Variants in CNBD1 observed in about 807,000 individuals in gnomAD.
The protein encoded by CNBD1 is cyclic nucleotide binding domain containing 1.
Under a neutral mutation model 54.4 loss-of-function variants are expected in CNBD1, and 71 were observed. That is an observed-to-expected ratio of 1.30 (90% CI 1.08 to 1.59). The LOEUF is 1.59. Among genes scored for constraint, CNBD1 ranks in the 40% most tolerant of loss-of-function variants. CNBD1 has a pLI of 0.00. For missense variants in CNBD1, 659 were observed against 518.0 expected (o/e 1.27, Z -2.64); for synonymous variants, 182 against 170.7 (o/e 1.07, Z -0.51).
At chr8:87,009,599 GC>G (rs1809173406) in intron 4 of CNBD1, among the ~76,000 whole-genome samples, 1 of 151,894 alleles carries the variant, frequency 6.6e-6, no homozygotes, top group African/African-American at 2.4e-5. Flanking sequence ...ACCACACCTG[GC>G]CCCCCAAAAC....
chr8:87,239,775 C>T (rs770018307), intron 6 of CNBD1, among the ~76,000 whole-genome samples: 17 of 151,694 alleles, frequency 1.1e-4, no homozygotes, highest in Non-Finnish European at 2.4e-4. Context: ...ACACCCTGGA[C>T]GAAAAATAAG....
intron 8 of CNBD1, among the ~76,000 whole-genome samples, chr8:87,335,975 G>C (rs1809938124): frequency 6.6e-6 from 1 of 151,956 alleles, no homozygotes; most frequent in African/African-American, 2.4e-5. Flanking sequence ...GCTTAGTTTG[G>C]CTGGATATGG....
At chr8:87,266,421 TAAAAAA>T (rs541109611) in intron 6 of CNBD1, among the ~76,000 whole-genome samples, 1 of 72,842 alleles carries the variant, frequency 1.4e-5, no homozygotes, top group Non-Finnish European at 2.4e-5. Context: ...GAGGTCCAAG[TAAAAAA>T]AAAAAAAAAT....
intron 2 of CNBD1, among the ~76,000 whole-genome samples, chr8:87,422,618 G>T (rs913963606): frequency 6.6e-6 from 1 of 152,094 alleles, no homozygotes; most frequent in African/African-American, 2.4e-5. Context: ...GCTCTGTTTT[G>T]TTCCATTGAT....
chr8:86,934,674 G>T (rs556752064), intron 3 of CNBD1, among the ~76,000 whole-genome samples: 2 of 152,176 alleles, frequency 1.3e-5, no homozygotes, highest in South Asian at 2.1e-4. Flanking sequence ...CTAACAGTTT[G>T]TATTACAAAT....
intron 4 of CNBD1, among the ~76,000 whole-genome samples, chr8:87,018,460 T>TA (rs1265133310): frequency 6.6e-6 from 1 of 152,212 alleles, no homozygotes; most frequent in African/African-American, 2.4e-5. Flanking sequence ...TAACTTTTTT[T>TA]AAGTACAAAT....
chr8:87,408,999 A>G (rs1235091600), intron 2 of CNBD1, among the ~76,000 whole-genome samples: 1 of 152,096 alleles, frequency 6.6e-6, no homozygotes, highest in Non-Finnish European at 1.5e-5. Flanking sequence ...GCCAATTAAT[A>G]ACCATACAGT....
chr8:87,315,999 A>G (rs1172988182), intron 8 of CNBD1, among the ~76,000 whole-genome samples: 5 of 152,044 alleles, frequency 3.3e-5, no homozygotes, highest in Non-Finnish European at 7.4e-5. Flanking sequence ...GTGTATTAAT[A>G]AAAAATTTAA....
chr8:87,316,442 A>G (rs1369560168), intron 8 of CNBD1, among the ~76,000 whole-genome samples: 3 of 152,022 alleles, frequency 2.0e-5, no homozygotes, highest in Non-Finnish European at 4.4e-5. Context: ...CAAGAATCTT[A>G]TGTAATTTAG....
chr8:87,036,305 T>A (rs1040895770), intron 4 of CNBD1, among the ~76,000 whole-genome samples: 4 of 152,148 alleles, frequency 2.6e-5, no homozygotes, highest in Non-Finnish European at 5.9e-5. Context: ...AGAGTAAAGA[T>A]TGGTCACGGC....
chr8:87,284,694 C>T lies in CNBD1; in HGVS notation c.788C>T (p.Thr263Ile), dbSNP rs763585733. 52 of 1,604,880 alleles carry T rather than the reference C, an allele frequency of 3.2e-5. No homozygotes were observed. Among genetic ancestry groups the T allele is most frequent in the Admixed American group, 1.2e-4 (7 of 58,644 alleles). Residue 263 changes from threonine (T) to isoleucine (I), a missense_variant, in exon 7 of 11, where the codon ACC becomes ATC. Thr to Ile is a moderately conservative substitution (Grantham distance 89). Coordinates refer to ENST00000518476, the MANE Select transcript of CNBD1 (RefSeq NM_173538.3). ...SYDSMLSKWS[T>I]FGTLEVMPQN... ...TTTTTACAGCTTAGCAAATGGAGTA[C>T]CTTTGGGACTCTGGAAGTTATGCCT...
intron 2 of CNBD1, among the ~76,000 whole-genome samples, chr8:87,424,055 T>G (rs552876974): frequency 6.6e-6 from 1 of 152,348 alleles, no homozygotes; most frequent in African/African-American, 2.4e-5. Context: ...TTTTCTAGTT[T>G]ATTTGTGTAG....
chr8:87,139,490 T>A (rs1293844859), intron 4 of CNBD1, among the ~76,000 whole-genome samples: 5 of 152,176 alleles, frequency 3.3e-5, no homozygotes, highest in Non-Finnish European at 7.3e-5. Flanking sequence ...CATATTTCCC[T>A]GTGCCATGTG....
Position 87,371,121 on chromosome 8 carries a change from G to T in CNBD1, c.1304-11499G>T, listed in dbSNP as rs561905913. Among the ~76,000 whole-genome samples, 544 of 151,752 alleles carry T rather than the reference G, an allele frequency of 3.6e-3. 6 individuals carry two copies. The highest frequency in any genetic ancestry group is 5.5e-3 in the Non-Finnish European group (372 of 67,988). On this transcript the variant is annotated intron_variant, in intron 10 of 10. Coordinates refer to ENST00000518476, the MANE Select transcript of CNBD1 (RefSeq NM_173538.3). ...TTGGTACCAGTACCATGCTGTTTTGGTTACTGTAGCCTTGTAGTATAGTTT... is the reference window on the plus strand; with the variant it reads ...TTGGTACCAGTACCATGCTGTTTTGTTTACTGTAGCCTTGTAGTATAGTTT...
Position 87,391,231 on chromosome 8 carries a change from TAAAGTA to T in CNBD1, c.214-37314_214-37309del, listed in dbSNP as rs577086436. 4.2e-3 allele frequency among the ~76,000 whole-genome samples: 635 copies of T among 151,700 alleles called. 6 individuals carry two copies. Among genetic ancestry groups the T allele is most frequent in the African/African-American group, 0.014 (567 of 41,196 alleles). On this transcript the variant is annotated intron_variant, in intron 2 of 7. Coordinates refer to the CNBD1 transcript ENST00000521593. The stretch of plus-strand genomic sequence containing the variant: ...CGTTGTGCACATGTACCCTAAAACT[TAAAGTA>T]TAATAAAAAAAAGAAATTTCAAATA...
chr8:87,205,721 G>T (rs1316917719), intron 4 of CNBD1, among the ~76,000 whole-genome samples: 1 of 150,728 alleles, frequency 6.6e-6, no homozygotes, highest in East Asian at 1.9e-4. Context: ...TATTTAAAAA[G>T]AAGTTTTCTA....
chr8:86,964,118 C>G (rs1266610683), intron 4 of CNBD1, among the ~76,000 whole-genome samples: 1 of 302 alleles, frequency 3.3e-3, no homozygotes, highest in East Asian at 0.1. Flanking sequence ...GGTCGTATGG[C>G]CTGTTTCTGT....
At chr8:87,290,872 T>G (rs1808772413) in intron 8 of CNBD1, among the ~76,000 whole-genome samples, 1 of 152,158 alleles carries the variant, frequency 6.6e-6, no homozygotes, top group Admixed American at 6.6e-5. Context: ...ACAAGGCTTT[T>G]GCTTGCTGGT....
intron 8 of CNBD1, among the ~76,000 whole-genome samples, chr8:87,321,791 CTT>C (rs1809540584): frequency 1.8e-5 from 1 of 55,982 alleles, no homozygotes; most frequent in African/African-American, 6.4e-5. Context: ...AGGCTTTTTT[CTT>C]TTTCTTTTTC....
Sources: allele counts gnomAD v4.1 joint callset (sites outside exome capture counted in the v4.1 genomes callset), GRCh38; gene constraint gnomAD v4.1.1; transcripts MANE v1.5; gene names NCBI Gene and HGNC (gene_info 2026-07-23, HGNC 2026-07-21).